P3H2: variants seen among roughly 807,000 people sequenced by gnomAD.
The protein encoded by P3H2 is leprecan-like 1.
Under a neutral mutation model 87.0 loss-of-function variants are expected in P3H2, and 80 were observed. That is an observed-to-expected ratio of 0.92 (90% CI 0.77 to 1.11). The LOEUF (loss-of-function observed/expected upper bound fraction) is 1.11. P3H2 is among the 50% of genes least tolerant of loss of function. The pLI, the probability that P3H2 is intolerant of heterozygous loss-of-function variation, is 0.00. For synonymous variants in P3H2, 367 were observed against 359.3 expected (o/e 1.02, Z -0.24); for missense variants, 1,001 against 923.9 (o/e 1.08, Z -1.08).
At chr3:190,090,221 T>C (rs981898780) in intron 1 of P3H2, among the ~76,000 whole-genome samples, 5 of 152,194 alleles carry the variant, frequency 3.3e-5, no homozygotes, top group African/African-American at 1.2e-4. Context: ...TTAGAAGATA[T>C]CATTCGTTTT....
intron 1 of P3H2, among the ~76,000 whole-genome samples, chr3:190,018,779 C>G (rs966217237): frequency 6.6e-6 from 1 of 152,156 alleles, no homozygotes; most frequent in African/African-American, 2.4e-5. Flanking sequence ...TAGATATAGG[C>G]ATAAGAGGGA....
chr3:190,043,861 C>T (rs548538149), intron 1 of P3H2, among the ~76,000 whole-genome samples: 2 of 152,282 alleles, frequency 1.3e-5, no homozygotes, highest in Admixed American at 6.5e-5. Flanking sequence ...TCTGACAATG[C>T]ACCTCAGGAG....
rs1253564850 is a variant in P3H2 at position 189,968,490 on chromosome 3, A to G, written c.1893+2326T>C. On this transcript the variant is annotated intron_variant, in intron 13 of 14. Transcript: ENST00000319332. Reference sequence around the variant, plus strand: ...CTGCTACATTTTCTTTATCCAGTCTATCATTGATGAGCATTTGGGTTGGTA... The same window carrying G: ...CTGCTACATTTTCTTTATCCAGTCTGTCATTGATGAGCATTTGGGTTGGTA... Among the ~76,000 whole-genome samples the G allele has an allele frequency of 3.9e-5, 6 of 152,132 alleles. No homozygotes were observed. In the East Asian group the frequency reaches 1.2e-3, roughly 29 times the overall value.
chr3:190,069,305 T>C (rs1309094710), intron 1 of P3H2, among the ~76,000 whole-genome samples: 3 of 152,202 alleles, frequency 2.0e-5, no homozygotes, highest in East Asian at 1.9e-4. Context: ...ACCTTCAATA[T>C]GAGGCCTAGT....
At chr3:190,119,778 C>T (rs1015457864) in intron 1 of P3H2, among the ~76,000 whole-genome samples, 20 of 152,056 alleles carry the variant, frequency 1.3e-4, no homozygotes, top group Admixed American at 3.9e-4. Context: ...TTCAACTTCA[C>T]TATTTTGAAG....
At chr3:190,074,228 G>A (rs1726795145) in intron 1 of P3H2, among the ~76,000 whole-genome samples, 1 of 152,088 alleles carries the variant, frequency 6.6e-6, no homozygotes, top group Non-Finnish European at 1.5e-5. Context: ...TATGATTCTT[G>A]GCCAGGTGCG....
chr3:190,120,706 G>T lies in P3H2; in HGVS notation c.26C>A (p.Pro9Gln). MRERIWAP[P>Q]LLLLLPLLLP... ...TAGCAGCGGCAGCAGCAGCAGCAGC[G>T]GCGGCGCCCAGATGCGCTCCCGCAT... The change falls in exon 1 of 15, where the codon CCG (proline) becomes CAG (glutamine). Residue 9 changes from proline (P) to glutamine (Q), a missense_variant. Pro to Gln is a moderately conservative substitution (Grantham distance 76). Coordinates refer to ENST00000319332, the MANE Select transcript of P3H2 (RefSeq NM_018192.4). The T allele has an allele frequency of 1.3e-6, 2 of 1,519,658 alleles. No individual in the cohort carries two copies. Among genetic ancestry groups the T allele is most frequent in the South Asian group, 1.2e-5 (1 of 81,974 alleles). 94.1% of individuals were successfully genotyped at this position (1,519,658 alleles called of 1,614,324 possible). A position where few individuals can be genotyped will look rare whatever the true frequency, so the allele number is the denominator to read the frequency against.
Position 189,970,859 on chromosome 3 carries a change from C to A in P3H2, c.1850G>T (p.Gly617Val). 6.3e-7 allele frequency: 1 copy of A among 1,589,312 alleles called. No individual in the cohort carries two copies. Among genetic ancestry groups the A allele is most frequent in the Non-Finnish European group, 8.6e-7 (1 of 1,157,610 alleles). The change falls in exon 13 of 15, where the codon GGA becomes GTA. Residue 617 changes from glycine to valine, a missense_variant. Physicochemically the swap from Gly to Val is moderately radical, Grantham distance 109 (BLOSUM62 -3). Coordinates refer to ENST00000319332, the MANE Select transcript of P3H2 (RefSeq NM_018192.4). ...ALLYMNDDFE[G>V]GEFIFTEMDA... is the part of the protein sequence containing the mutation. Reference sequence around the variant, plus strand: ...CATCTCTGTGAATATGAATTCTCCTCCTTCAAAGTCATCATTCATATATAG... The same window carrying A: ...CATCTCTGTGAATATGAATTCTCCTACTTCAAAGTCATCATTCATATATAG...
At chr3:190,118,966 A>T (rs1712404550) in intron 1 of P3H2, among the ~76,000 whole-genome samples, 1 of 151,484 alleles carries the variant, frequency 6.6e-6, no homozygotes, top group South Asian at 2.1e-4. Flanking sequence ...TTAGCCCGGC[A>T]TGGTGGTGCA....
chr3:190,062,025 TGATATGCTAAC>T (rs1726346628), intron 1 of P3H2, among the ~76,000 whole-genome samples: 2 of 152,108 alleles, frequency 1.3e-5, no homozygotes, highest in Non-Finnish European at 2.9e-5. Flanking sequence ...AGGTCCTCCA[TGATATGCTAAC>T]TTACTTTTCC....
intron 1 of P3H2, among the ~76,000 whole-genome samples, chr3:190,031,713 A>G (rs1265942264): frequency 6.7e-6 from 1 of 150,126 alleles, no homozygotes; most frequent in East Asian, 2.0e-4. Context: ...GAAAATCACT[A>G]AAAGTCTAAT....
Position 189,994,163 on chromosome 3 carries a change from C to T in P3H2, c.754G>A (p.Glu252Lys), listed in dbSNP as rs1178262276. 1 of 1,613,662 alleles carries T rather than the reference C, an allele frequency of 6.2e-7. No homozygotes were observed. The change falls in exon 3 of 15, where the codon GAG (glutamate) becomes AAG (lysine). Residue 252 changes from glutamate to lysine, a missense_variant. Physicochemically the swap from Glu to Lys is moderately conservative, Grantham distance 56. Coordinates refer to ENST00000319332, the MANE Select transcript of P3H2 (RefSeq NM_018192.4). ...TATTCTTCAAATCTCTGAGGCCCCT[C>T]ACATAGGGTCCGGCATTCTGTATCT... ...VEDTECRTLC[E>K]GPQRFEEYEY...
chr3:189,962,845 G>T (rs1436256065), intron 14 of P3H2, among the ~76,000 whole-genome samples: 1 of 152,192 alleles, frequency 6.6e-6, no homozygotes, highest in Non-Finnish European at 1.5e-5. Flanking sequence ...GATGAAATTG[G>T]ATTCAACTTA....
chr3:190,090,385 A>G (rs1729676061), intron 1 of P3H2, among the ~76,000 whole-genome samples: 1 of 152,206 alleles, frequency 6.6e-6, no homozygotes, highest in Non-Finnish European at 1.5e-5. Context: ...GTTCTCACTG[A>G]GCATATTTTA....
At chr3:190,005,478 C>G (rs1419356189) in intron 1 of P3H2, among the ~76,000 whole-genome samples, 1 of 152,184 alleles carries the variant, frequency 6.6e-6, no homozygotes, top group Non-Finnish European at 1.5e-5. Flanking sequence ...AGTGAATGTA[C>G]AAATAAATTC....
intron 1 of P3H2, among the ~76,000 whole-genome samples, chr3:190,053,897 T>C (rs993253606): frequency 6.6e-6 from 1 of 152,214 alleles, no homozygotes; most frequent in Admixed American, 6.5e-5. Context: ...TTCCCTGTTT[T>C]CTTAAACAAA....
chr3:190,100,261 C>CCCCAAAAA (rs1491211454), intron 1 of P3H2, among the ~76,000 whole-genome samples: 1 of 130,930 alleles, frequency 7.6e-6, no homozygotes, highest in African/African-American at 3.2e-5. Context: ...CCCCCCCCCC[C>CCCCAAAAA]AAAAAAAACA....
At chr3:190,034,831 G>A (rs1444997087) in intron 1 of P3H2, among the ~76,000 whole-genome samples, 3 of 146,016 alleles carry the variant, frequency 2.1e-5, no homozygotes, top group South Asian at 4.4e-4. Flanking sequence ...TGGCCAAATC[G>A]CTTTTTCTTT....
chr3:190,087,096 AC>A (rs1201151086), intron 1 of P3H2, among the ~76,000 whole-genome samples: 2 of 152,198 alleles, frequency 1.3e-5, no homozygotes, highest in African/African-American at 4.8e-5. Context: ...ATCTCCCTAG[AC>A]TAAATTAAAT....
Sources: allele counts gnomAD v4.1 joint callset (sites outside exome capture counted in the v4.1 genomes callset), GRCh38; gene constraint gnomAD v4.1.1; transcripts MANE v1.5; gene names NCBI Gene and HGNC (gene_info 2026-07-23, HGNC 2026-07-21).